The following CFAP299 variants were observed in gnomAD, a reference collection of about 807,000 sequenced individuals.
CFAP299 encodes the protein cilia and flagella associated protein 299.
In CFAP299, 21 loss-of-function variants were observed where a neutral mutation model predicts 27.0. That is an observed-to-expected ratio of 0.78 (90% confidence interval 0.55 to 1.12). The LOEUF is 1.12. CFAP299 is among the 50% of genes most tolerant of loss of function. CFAP299 has a pLI of 0.00. For synonymous variants in CFAP299, 104 were observed against 98.1 expected (o/e 1.06, Z -0.36); for missense variants, 310 against 276.6 (o/e 1.12, Z -0.86).
At chr4:80,588,862 A>G (rs911661070) in intron 3 of CFAP299, among the ~76,000 whole-genome samples, 1 of 152,344 alleles carries the variant, frequency 6.6e-6, no homozygotes, top group Non-Finnish European at 1.5e-5. Flanking sequence ...TTTACTACAT[A>G]TATGAAATAG....
chr4:80,699,192 G>A (rs534066847), intron 3 of CFAP299, among the ~76,000 whole-genome samples: 1 of 152,222 alleles, frequency 6.6e-6, no homozygotes, highest in Admixed American at 6.5e-5. Flanking sequence ...GGCAACCTAG[G>A]TATGTCTGAG....
chr4:80,870,207 C>A, intron 4 of CFAP299, 72 bp downstream of exon 4: 1 of 1,474,660 alleles, frequency 6.8e-7, no homozygotes, highest in Non-Finnish European at 9.1e-7. Flanking sequence ...CTACATTGTG[C>A]CTAAAATGCT....
chr4:80,658,472 T>C (rs1740675009), intron 3 of CFAP299, among the ~76,000 whole-genome samples: 1 of 152,212 alleles, frequency 6.6e-6, no homozygotes, highest in East Asian at 1.9e-4. Context: ...AGGTCTTTTC[T>C]GCATCTATTG....
At chr4:80,607,203 G>A (rs902672664) in intron 3 of CFAP299, among the ~76,000 whole-genome samples, 7 of 152,048 alleles carry the variant, frequency 4.6e-5, no homozygotes. Flanking sequence ...GAAGAGTATA[G>A]CAAATAGAAT....
intron 5 of CFAP299, among the ~76,000 whole-genome samples, chr4:80,946,722 G>T (rs1427824339): frequency 6.6e-6 from 1 of 152,126 alleles, no homozygotes; most frequent in Non-Finnish European, 1.5e-5. Context: ...TTTTAGGGCT[G>T]TATTTATTAT....
intron 3 of CFAP299, among the ~76,000 whole-genome samples, chr4:80,588,075 T>C (rs537561869): frequency 6.6e-6 from 1 of 151,372 alleles, no homozygotes; most frequent in East Asian, 1.9e-4. Context: ...AGTCTTAGTC[T>C]GATCTCACAG....
chr4:80,687,398 A>T (rs978250540), intron 3 of CFAP299, among the ~76,000 whole-genome samples: 1 of 152,174 alleles, frequency 6.6e-6, no homozygotes, highest in Non-Finnish European at 1.5e-5. Flanking sequence ...TTTTATAAAT[A>T]AGAAAACTGA....
chr4:80,624,127 A>G (rs995797062), intron 3 of CFAP299, among the ~76,000 whole-genome samples: 2 of 152,182 alleles, frequency 1.3e-5, no homozygotes, highest in Non-Finnish European at 2.9e-5. Context: ...GACATCATCA[A>G]AAGGACAAAA....
chr4:80,388,526 G>A (rs765329948), intron 2 of CFAP299: 15 of 1,441,264 alleles, frequency 1.0e-5, no homozygotes, highest in African/African-American at 1.0e-4. Flanking sequence ...CACTGGCAGC[G>A]AGTTGAATTG....
At chr4:80,473,956 C>T (rs1730146078) in intron 2 of CFAP299, among the ~76,000 whole-genome samples, 1 of 152,094 alleles carries the variant, frequency 6.6e-6, no homozygotes, top group Non-Finnish European at 1.5e-5. Context: ...TTTACAGTCA[C>T]ATAATTCTTT....
chr4:80,583,274 A>G, intron 3 of CFAP299, 91 bp downstream of exon 3: 1 of 615,990 alleles, frequency 1.6e-6, no homozygotes, highest in Non-Finnish European at 2.6e-6. Flanking sequence ...TTCTTAAAGT[A>G]ATTTACAAGA....
At chr4:80,800,591 A>C (rs1440885999) in intron 3 of CFAP299, among the ~76,000 whole-genome samples, 8 of 89,516 alleles carry the variant, frequency 8.9e-5, no homozygotes, top group East Asian at 2.9e-4. Flanking sequence ...TATAATATAT[A>C]ATATATTAAT....
rs1049557362 is a variant in CFAP299 at position 80,773,164 on chromosome 4, A to G, written c.334-96829A>G. ...GTTATTAGTATGACTTTAATGATGT[A>G]ACCACAGAATTGGTAAAATTCTGGG... On this transcript the variant is annotated intron_variant, in intron 3 of 5. Transcript: ENST00000358105. Among the ~76,000 whole-genome samples the G allele has an allele frequency of 3.9e-5, 6 of 152,206 alleles. No individual in the cohort carries two copies. The East Asian group carries it at 1.2e-3, about 29-fold the overall frequency.
chr4:80,848,957 C>A (rs192358616), intron 3 of CFAP299, among the ~76,000 whole-genome samples: 2 of 152,262 alleles, frequency 1.3e-5, no homozygotes, highest in Non-Finnish European at 2.9e-5. Flanking sequence ...TTTATAAACA[C>A]TGTACACTTA....
intron 2 of CFAP299, among the ~76,000 whole-genome samples, chr4:80,491,620 A>G (rs926237155): frequency 3.3e-5 from 5 of 149,886 alleles, no homozygotes; most frequent in African/African-American, 1.2e-4. Flanking sequence ...CTAAACTCTG[A>G]TTTTTTTTTT....
At chr4:80,908,734 T>C (rs948546499) in intron 4 of CFAP299, among the ~76,000 whole-genome samples, 2 of 152,312 alleles carry the variant, frequency 1.3e-5, no homozygotes, top group Non-Finnish European at 2.9e-5. Flanking sequence ...TGTTAATAGA[T>C]ATAAATATTT....
intron 3 of CFAP299, among the ~76,000 whole-genome samples, chr4:80,789,774 A>T (rs2110097709): frequency 6.6e-6 from 1 of 152,144 alleles, no homozygotes; most frequent in Non-Finnish European, 1.5e-5. Context: ...GTATTGACAA[A>T]ATTTAATGCC....
At chr4:80,768,525 A>G (rs1253473232) in intron 3 of CFAP299, among the ~76,000 whole-genome samples, 1 of 152,232 alleles carries the variant, frequency 6.6e-6, no homozygotes, top group Non-Finnish European at 1.5e-5. Context: ...AACTGGCAGC[A>G]ATGTTAAAAA....
chr4:80,579,929 G>T (rs939553718), intron 2 of CFAP299, among the ~76,000 whole-genome samples: 3 of 152,022 alleles, frequency 2.0e-5, no homozygotes, highest in African/African-American at 4.8e-5. Context: ...TATCTGTAAA[G>T]CTCTAAAAAT....
Sources: allele counts gnomAD v4.1 joint callset (sites outside exome capture counted in the v4.1 genomes callset), GRCh38; gene constraint gnomAD v4.1.1; transcripts MANE v1.5; gene names NCBI Gene and HGNC (gene_info 2026-07-23, HGNC 2026-07-21).